The following HSCB variants were observed in gnomAD, a reference collection of about 807,000 sequenced individuals.
HSCB encodes iron-sulfur cluster co-chaperone protein HscB.
A neutral mutation model predicts 31.3 loss-of-function variants in HSCB; 23 were observed. The ratio of observed to expected loss-of-function variants is 0.74; its 90% confidence interval spans 0.53 to 1.04. HSCB has a LOEUF of 1.04. Ranked by LOEUF, HSCB falls within the 50% of genes least tolerant of loss-of-function variation. The pLI is 0.00. For synonymous variants in HSCB, 110 were observed against 104.5 expected (o/e 1.05, Z -0.32); for missense variants, 297 against 288.1 (o/e 1.03, Z -0.22).
intron 1 of HSCB, 34 bp from the exon 2 acceptor site, chr22:28,743,848 G>C (rs760397513): frequency 4.5e-6 from 7 of 1,538,802 alleles, no homozygotes; most frequent in East Asian, 2.2e-5. Context: ...TTAAATATTT[G>C]TTGTATAAAT....
chr22:28,757,309 A>AC lies in HSCB; in HGVS notation c.*144dup, dbSNP rs2030671669. The AC allele has an allele frequency of 2.0e-6, 1 of 501,160 alleles. No individual in the cohort carries two copies. Among genetic ancestry groups the AC allele is most frequent in the Admixed American group, 3.4e-5 (1 of 29,810 alleles). The allele number at this position is 501,160 out of a possible 1,614,324, so 31.0% of individuals were successfully genotyped here. A position where few individuals can be genotyped will look rare whatever the true frequency, so the allele number is the denominator to read the frequency against. Reference sequence around the variant, plus strand: ...AGACCAGCTTGGCCAACATAGTGAAACCCCGTCTCTGCTGAAAATACAAAA... The same window carrying AC: ...AGACCAGCTTGGCCAACATAGTGAAACCCCCGTCTCTGCTGAAAATACAAAA... On this transcript the variant is annotated 3_prime_UTR_variant, in exon 6 of 6. Transcript: ENST00000216027.
At chr22:28,742,571 C>T (rs1360232640) in intron 1 of HSCB, 1 of 502,800 alleles carries the variant, frequency 2.0e-6, no homozygotes. Context: ...GAGGGGCGGG[C>T]GCTGAAGTTA....
chr22:28,747,169 T>C (rs2029900035), intron 4 of HSCB, among the ~76,000 whole-genome samples: 1 of 152,238 alleles, frequency 6.6e-6, no homozygotes, highest in Non-Finnish European at 1.5e-5. Context: ...AAAACCTGTT[T>C]TTGCACTTAA....
intron 4 of HSCB, among the ~76,000 whole-genome samples, chr22:28,747,306 T>C (rs1007436732): frequency 6.6e-6 from 1 of 152,010 alleles, no homozygotes; most frequent in Non-Finnish European, 1.5e-5. Flanking sequence ...AACTAGTTGG[T>C]TTTTGTTTTT....
chr22:28,742,412 G>A, intron 1 of HSCB, 81 bp downstream of exon 1: 1 of 1,550,980 alleles, frequency 6.4e-7, no homozygotes, highest in Non-Finnish European at 8.7e-7. Flanking sequence ...GACGGATCTG[G>A]CTGGCGGAAG....
rs749347480 is a variant in HSCB at position 28,757,068 on chromosome 22, T to C, written c.617-10T>C. On this transcript the variant is annotated splice_polypyrimidine_tract_variant and intron_variant, in intron 5 of 5. Transcript: ENST00000216027. The stretch of plus-strand genomic sequence containing the variant: ...ATGAAGCCTGACTTCAGTGTCTCTG[T>C]CTATTTCAGATGACTTTGAAGAAGC... The C allele has an allele frequency of 3.4e-6, 5 of 1,465,694 alleles. No homozygotes were observed. The East Asian group carries it at 1.1e-4, about 33-fold the overall frequency. 90.8% of individuals were successfully genotyped at this position (1,465,694 alleles called of 1,614,324 possible).
At chr22:28,755,121 G>A (rs79790758) in intron 5 of HSCB, among the ~76,000 whole-genome samples, 32 of 140,918 alleles carry the variant, frequency 2.3e-4, no homozygotes, top group African/African-American at 7.8e-4. Flanking sequence ...CAAAAAAGAT[G>A]TTAAATAGGC....
intron 1 of HSCB, chr22:28,742,607 A>C (rs1038824173): frequency 2.3e-5 from 7 of 309,390 alleles, no homozygotes; most frequent in African/African-American, 1.3e-4. Context: ...CCGAGGCTAG[A>C]GGGGAGGGAG....
chr22:28,755,185 C>A (rs1601406517), intron 5 of HSCB, among the ~76,000 whole-genome samples: 1 of 149,796 alleles, frequency 6.7e-6, no homozygotes, highest in African/African-American at 2.4e-5. Context: ...CCGAGGCGGG[C>A]GGATCACGAG....
chr22:28,755,284 C>G (rs1005365285), intron 5 of HSCB, among the ~76,000 whole-genome samples: 1 of 151,766 alleles, frequency 6.6e-6, no homozygotes, highest in Non-Finnish European at 1.5e-5. Flanking sequence ...GTGGCGGGCA[C>G]CTGTAGTCCC....
rs187513400 is a variant in HSCB, at chr22:28,743,909, G to A, written c.264G>A (p.Ala88=). 28 of 1,614,070 alleles carry A rather than the reference G, an allele frequency of 1.7e-5. No homozygotes were observed. Among genetic ancestry groups the A allele is most frequent in the Admixed American group, 3.3e-5 (2 of 60,008 alleles). ...ACCGTTCCTTCAGAGTTGATACAGC[G>A]AAGCTCCAGCACAGGTACCAGCAAC... ...DCNRSFRVDT[A]KLQHRYQQLQ... The change falls in exon 2 of 6, where the codon GCG becomes GCA. Residue 88 remains alanine (A), a synonymous_variant. Transcript: ENST00000216027.
chr22:28,755,281 G>A (rs2030533827), intron 5 of HSCB, among the ~76,000 whole-genome samples: 1 of 151,738 alleles, frequency 6.6e-6, no homozygotes, highest in Admixed American at 6.6e-5. Context: ...AAGGTGGCGG[G>A]CACCTGTAGT....
chr22:28,743,534 C>T (rs2054627788), intron 1 of HSCB, among the ~76,000 whole-genome samples: 3 of 152,202 alleles, frequency 2.0e-5, no homozygotes, highest in African/African-American at 7.2e-5. Context: ...CCACCAGTCA[C>T]TGAACATGTA....
intron 4 of HSCB, among the ~76,000 whole-genome samples, chr22:28,747,423 C>T (rs2029912999): frequency 6.6e-6 from 1 of 152,158 alleles, no homozygotes; most frequent in Admixed American, 6.6e-5. Context: ...ACCTTAGCCT[C>T]TTGGATAGCT....
intron 4 of HSCB, among the ~76,000 whole-genome samples, chr22:28,746,391 A>AT (rs1371402843): frequency 0.012 from 1,797 of 151,518 alleles, 57 homozygotes; most frequent in African/African-American, 0.041. Context: ...AAAAAAAAAA[A>AT]AAAAAAAAAA....
At position 28,742,156 on chromosome 22, in the gene HSCB, C is replaced by G; in HGVS notation, c.61C>G (p.Pro21Ala). 1 of 1,613,602 alleles carries G rather than the reference C, an allele frequency of 6.2e-7. No individual in the cohort carries two copies. ...GTGGGGGTTTTGGCCGACAGGGGTT[C>G]CCAGAAGGAGACCGCTAAGCTGCGA... ...RVWGFWPTGV[P>A]RRRPLSCDAA... The change falls in exon 1 of 6, where the codon CCC becomes GCC. Residue 21 changes from proline (P) to alanine (A), a missense_variant. Physicochemically the swap from Pro to Ala is conservative, Grantham distance 27. Transcript: ENST00000216027.
At chr22:28,751,841 A>G (rs1209705104) in intron 5 of HSCB, among the ~76,000 whole-genome samples, 3 of 152,086 alleles carry the variant, frequency 2.0e-5, no homozygotes, top group African/African-American at 4.8e-5. Context: ...TGTTATCCCA[A>G]CACTTTGGGA....
intron 5 of HSCB, among the ~76,000 whole-genome samples, chr22:28,752,607 G>A (rs770823366): frequency 1.6e-4 from 24 of 151,092 alleles, no homozygotes; most frequent in South Asian, 2.1e-4. Flanking sequence ...GGTGGTGACC[G>A]TCTGTAGTCC....
chr22:28,747,865 C>G (rs1348785335), intron 4 of HSCB, among the ~76,000 whole-genome samples: 1 of 151,598 alleles, frequency 6.6e-6, no homozygotes, highest in African/African-American at 2.4e-5. Context: ...AGTGTCTCCC[C>G]TCCCCACCTT....
Sources: gnomAD v4.1 joint callset for allele counts (sites outside exome capture counted in the v4.1 genomes callset) on GRCh38, gnomAD v4.1.1 for gene constraint, MANE v1.5 for transcripts, NCBI Gene and HGNC (gene_info 2026-07-23, HGNC 2026-07-21) for gene names.